Variants in GSN observed in about 807,000 individuals in gnomAD.
GSN encodes the protein gelsolin, also known as actin-depolymerizing factor.
GSN carries 56 observed loss-of-function variants against 85.7 expected under a neutral mutation model. That is an observed-to-expected ratio of 0.65 (90% CI 0.53 to 0.82). GSN has a LOEUF of 0.82. Among genes scored for constraint, GSN ranks in the 40% least tolerant of loss-of-function variants. The pLI, the probability that GSN is intolerant of heterozygous loss-of-function variation, is 0.00. For missense variants in GSN, 857 were observed against 979.8 expected (o/e 0.87, Z 1.67); for synonymous variants, 373 against 399.1 (o/e 0.93, Z 0.78).
intron 2 of GSN, chr9:121,282,736 A>G (rs947458419): frequency 2.4e-6 from 1 of 410,482 alleles, no homozygotes; most frequent in Admixed American, 4.4e-5. Flanking sequence ...GCTCTGATGC[A>G]TCTGCCTTTG....
rs2059537706 is a variant in GSN, at chr9:121,299,406, T to C, written c.-9-2557T>C. 1 of 977,646 alleles carries C rather than the reference T, an allele frequency of 1.0e-6. No individual in the cohort carries two copies. Among genetic ancestry groups the C allele is most frequent in the East Asian group, 1.1e-4 (1 of 8,774 alleles). The allele number at this position is 977,646 out of a possible 1,614,324, so 60.6% of individuals were successfully genotyped here. On this transcript the variant is annotated intron_variant, in intron 2 of 17. Coordinates refer to ENST00000432226, the MANE Select transcript of GSN (RefSeq NM_198252.3). This position sits in a 1 kb window ranked among gnomAD's most constrained non-coding sequence, Gnocchi z 4.2. ...CAAGTTGCTTCACCACTCTGCGCTG[T>C]TCCCCCCTCTGTAAAATGGGTTGGC...
intron 5 of GSN, among the ~76,000 whole-genome samples, chr9:121,246,783 G>T (rs541679184): frequency 6.6e-6 from 1 of 152,286 alleles, no homozygotes; most frequent in African/African-American, 2.4e-5. Context: ...CAGCCATTCA[G>T]ATAGAGACAG....
chr9:121,252,764 A>G (rs2054867083), intron 6 of GSN, among the ~76,000 whole-genome samples: 1 of 152,184 alleles, frequency 6.6e-6, no homozygotes, highest in African/African-American at 2.4e-5. Flanking sequence ...GCAAGAAATA[A>G]ACTTTTGCTG....
intron 5 of GSN, among the ~76,000 whole-genome samples, chr9:121,244,197 T>TAGC (rs1205067217): frequency 2.0e-5 from 3 of 152,230 alleles, no homozygotes; most frequent in Non-Finnish European, 4.4e-5. Flanking sequence ...TATCATTGGG[T>TAGC]AGCAATTAGA....
At chr9:121,331,694 A>G (rs1018799189) in intron 17 of GSN, 1 of 459,336 alleles carries the variant, frequency 2.2e-6, no homozygotes, top group African/African-American at 1.9e-5. Flanking sequence ...AGGAGAAGGA[A>G]GGGACAGATG....
intron 2 of GSN, among the ~76,000 whole-genome samples, chr9:121,301,625 C>CAAAA (rs753963979): frequency 1.8e-5 from 1 of 55,972 alleles, no homozygotes; most frequent in Non-Finnish European, 4.3e-5. Flanking sequence ...GACTCTGTCT[C>CAAAA]AAAAAAAAAA....
chr9:121,289,968 G>A (rs981347319), intron 2 of GSN, among the ~76,000 whole-genome samples: 5 of 152,216 alleles, frequency 3.3e-5, no homozygotes, highest in Admixed American at 3.3e-4. Context: ...GGGAGCTGAT[G>A]TTATGATCCC....
intron 5 of GSN, among the ~76,000 whole-genome samples, chr9:121,231,765 G>A (rs775935895): frequency 2.6e-5 from 4 of 151,954 alleles, no homozygotes; most frequent in Non-Finnish European, 4.4e-5. Context: ...GGGAAAGATG[G>A]GAAAAAATTT....
intron 13 of GSN, 108 bp from the exon 14 acceptor site, chr9:121,327,200 C>A: frequency 1.1e-6 from 1 of 938,352 alleles, no homozygotes; most frequent in Non-Finnish European, 1.8e-6. Context: ...CTGTGTTCCT[C>A]CAAGTCCCCA....
intron 11 of GSN, among the ~76,000 whole-genome samples, chr9:121,323,129 C>A: frequency 6.6e-6 from 1 of 152,160 alleles, no homozygotes; most frequent in Non-Finnish European, 1.5e-5. Context: ...CCACGCCAAG[C>A]TGGATTCCTT....
chr9:121,274,189 CACTAGGCTGT>C (rs980966796), intron 1 of GSN, among the ~76,000 whole-genome samples: 8 of 152,174 alleles, frequency 5.3e-5, no homozygotes, highest in Non-Finnish European at 2.9e-5. Context: ...AAGATCTGGG[CACTAGGCTGT>C]ACCCTGTTAT....
intron 4 of GSN, among the ~76,000 whole-genome samples, chr9:121,214,556 A>T (rs116180846): frequency 0.022 from 3,380 of 152,302 alleles, 115 homozygotes; most frequent in African/African-American, 0.077. Context: ...ATCCTCTTTC[A>T]TGAAGTAAGG....
intron 6 of GSN, among the ~76,000 whole-genome samples, chr9:121,256,155 A>G (rs983366619): frequency 6.6e-6 from 1 of 152,166 alleles, no homozygotes; most frequent in African/African-American, 2.4e-5. Flanking sequence ...TCACCAAGTA[A>G]GAGCGGGAGG....
chr9:121,277,065 G>A (rs2056773247), intron 1 of GSN, among the ~76,000 whole-genome samples: 1 of 152,068 alleles, frequency 6.6e-6, no homozygotes, highest in South Asian at 2.1e-4. Flanking sequence ...CATAATATGG[G>A]GAATACACAT....
intron 6 of GSN, among the ~76,000 whole-genome samples, chr9:121,253,104 C>T (rs2054873989): frequency 6.6e-6 from 1 of 152,148 alleles, no homozygotes; most frequent in African/African-American, 2.4e-5. Context: ...GGTCTTTAGC[C>T]TCTTCTTATA....
chr9:121,296,093 T>A (rs972385022), intron 2 of GSN, among the ~76,000 whole-genome samples: 3 of 152,222 alleles, frequency 2.0e-5, no homozygotes, highest in Non-Finnish European at 4.4e-5. Context: ...TGGGGACAGC[T>A]GCTCCGGAGA....
intron 4 of GSN, among the ~76,000 whole-genome samples, chr9:121,222,654 C>A (rs893731883): frequency 5.3e-5 from 8 of 152,180 alleles, no homozygotes; most frequent in Non-Finnish European, 1.2e-4. Context: ...ACAGCACCAA[C>A]GTATGTTAGC....
At chr9:121,231,252 T>G (rs1002874684) in exon 5 of GSN, 2 of 152,232 alleles carry the variant, frequency 1.3e-5, no homozygotes, top group Non-Finnish European at 1.5e-5. Flanking sequence ...AAGAGTACTC[T>G]CATCAGCAAA....
intron 4 of GSN, among the ~76,000 whole-genome samples, chr9:121,218,552 T>C (rs1041215827): frequency 6.6e-6 from 1 of 152,096 alleles, no homozygotes; most frequent in Non-Finnish European, 1.5e-5. Context: ...CGAGAATCAC[T>C]TGAACTCGGG....
Sources: allele counts gnomAD v4.1 joint callset (sites outside exome capture counted in the v4.1 genomes callset), GRCh38; gene constraint gnomAD v4.1.1; non-coding constraint Gnocchi (gnomAD v3.1); transcripts MANE v1.5; gene names NCBI Gene and HGNC (gene_info 2026-07-23, HGNC 2026-07-21).